The following CALCR variants were observed in gnomAD, a reference collection of about 807,000 sequenced individuals.
CALCR encodes the protein calcitonin receptor.
A neutral mutation model predicts 59.5 loss-of-function variants in CALCR; 47 were observed. That is an observed-to-expected ratio of 0.79 (90% confidence interval 0.63 to 1.01). CALCR has a LOEUF of 1.01. Ranked by LOEUF, CALCR falls within the 50% of genes least tolerant of loss-of-function variation. The pLI is 0.00. For missense variants in CALCR, 566 were observed against 597.1 expected, an observed-to-expected ratio of 0.95 and a Z score of 0.54; for synonymous variants, 213 against 211.3, an observed-to-expected ratio of 1.01 and a Z score of -0.07.
intron 2 of CALCR, among the ~76,000 whole-genome samples, chr7:93,562,326 T>C (rs930462350): frequency 2.0e-5 from 3 of 152,020 alleles, no homozygotes; most frequent in Non-Finnish European, 2.9e-5. Flanking sequence ...GATAATAGTG[T>C]TAAAAGCAAA....
At chr7:93,503,407 AAC>A (rs112593093) in intron 2 of CALCR, among the ~76,000 whole-genome samples, 64 of 150,792 alleles carry the variant, frequency 4.2e-4, no homozygotes, top group Admixed American at 2.4e-3. Flanking sequence ...AATAATTAGA[AAC>A]ACACACACAC....
At chr7:93,511,943 G>A (rs1444127878) in intron 2 of CALCR, among the ~76,000 whole-genome samples, 1 of 152,162 alleles carries the variant, frequency 6.6e-6, no homozygotes, top group African/African-American at 2.4e-5. Context: ...ATAAGTAAAT[G>A]TAGAGAGGTG....
chr7:93,504,154 A>C (rs1037548593), intron 2 of CALCR, among the ~76,000 whole-genome samples: 2 of 152,184 alleles, frequency 1.3e-5, no homozygotes, highest in Non-Finnish European at 2.9e-5. Context: ...TATACAAACA[A>C]AGACAGAAAG....
chr7:93,550,067 C>CT (rs200005996), intron 2 of CALCR, among the ~76,000 whole-genome samples: 16 of 152,068 alleles, frequency 1.1e-4, no homozygotes, highest in East Asian at 3.8e-4. Flanking sequence ...GAGGTGGAAT[C>CT]TTTTTTTATT....
At chr7:93,435,767 C>T (rs143586968) in intron 12 of CALCR, among the ~76,000 whole-genome samples, 185 bp downstream of exon 12, 4,065 of 150,830 alleles carry the variant, frequency 0.027, 166 homozygotes, top group African/African-American at 0.087. Context: ...GATCATGCCA[C>T]TGCACTCCAG....
At chr7:93,479,227 T>C in intron 4 of CALCR, 127 bp downstream of exon 4, 1 of 921,960 alleles carries the variant, frequency 1.1e-6, no homozygotes, top group South Asian at 1.7e-5. Context: ...AAACATACCA[T>C]AGTGTGAAAA....
At chr7:93,550,488 CAAAAAAAAAAAAA>C (rs11287815) in intron 2 of CALCR, among the ~76,000 whole-genome samples, 2 of 26,572 alleles carry the variant, frequency 7.5e-5, no homozygotes, top group Non-Finnish European at 1.3e-4. Context: ...AACTCCGTCT[CAAAAAAAAAAAAA>C]AAAAAAAAAA....
intron 2 of CALCR, among the ~76,000 whole-genome samples, chr7:93,538,623 G>T (rs28610252): frequency 6.6e-6 from 1 of 151,412 alleles, no homozygotes; most frequent in Non-Finnish European, 1.5e-5. Context: ...CCTGTTTTTT[G>T]TTTTTGTTTT....
intron 2 of CALCR, among the ~76,000 whole-genome samples, chr7:93,525,988 A>G (rs1246289521): frequency 1.3e-5 from 2 of 152,184 alleles, no homozygotes; most frequent in Admixed American, 6.5e-5. Context: ...TAATTTTTAT[A>G]AAGTCATGAG....
At chr7:93,483,678 A>C (rs1800857941) in intron 3 of CALCR, among the ~76,000 whole-genome samples, 1 of 151,590 alleles carries the variant, frequency 6.6e-6, no homozygotes, top group Non-Finnish European at 1.5e-5. Flanking sequence ...GACAAAATAA[A>C]ACCAGTAGTG....
chr7:93,484,656 AT>A (rs1800899397), intron 3 of CALCR, among the ~76,000 whole-genome samples: 2 of 151,798 alleles, frequency 1.3e-5, no homozygotes, highest in African/African-American at 4.8e-5. Context: ...GTACTGTGTA[AT>A]TCTACTTACA....
chr7:93,477,726 A>C, intron 4 of CALCR, 58 bp from the exon 5 acceptor site: 1 of 1,066,504 alleles, frequency 9.4e-7, no homozygotes, highest in Admixed American at 1.8e-5. Flanking sequence ...AAATGAGAAG[A>C]TTGATCCCAA....
chr7:93,431,960 G>A (rs914393503), intron 13 of CALCR, among the ~76,000 whole-genome samples: 1 of 152,124 alleles, frequency 6.6e-6, no homozygotes, highest in African/African-American at 2.4e-5. Context: ...TTACTGATAT[G>A]TTTGGATAAT....
chr7:93,470,865 G>A (rs113397407), intron 6 of CALCR, among the ~76,000 whole-genome samples: 3 of 151,218 alleles, frequency 2.0e-5, no homozygotes, highest in Non-Finnish European at 3.0e-5. Flanking sequence ...ATGCTGGTGC[G>A]CTGCACCCAC....
intron 2 of CALCR, among the ~76,000 whole-genome samples, chr7:93,494,394 C>T (rs1445768242): frequency 6.6e-6 from 1 of 151,422 alleles, no homozygotes; most frequent in Non-Finnish European, 1.5e-5. Context: ...AAGCCCCACA[C>T]ATGACATTTA....
At chr7:93,468,662 G>C in intron 7 of CALCR, 53 bp downstream of exon 7, 2 of 1,279,834 alleles carry the variant, frequency 1.6e-6, no homozygotes, top group Non-Finnish European at 2.3e-6. Flanking sequence ...TTCACCATTC[G>C]TTTCAGTAAC....
intron 5 of CALCR, among the ~76,000 whole-genome samples, chr7:93,475,389 G>A (rs1017627384): frequency 1.3e-5 from 2 of 151,718 alleles, no homozygotes; most frequent in Non-Finnish European, 2.9e-5. Flanking sequence ...TTAACAACAT[G>A]TGAAAAAGGA....
intron 3 of CALCR, among the ~76,000 whole-genome samples, chr7:93,485,755 A>G (rs1003619626): frequency 6.6e-6 from 1 of 151,582 alleles, no homozygotes; most frequent in Non-Finnish European, 1.5e-5. Context: ...ATTTCCAAAT[A>G]CTAATTACTT....
intron 2 of CALCR, among the ~76,000 whole-genome samples, chr7:93,560,665 A>T (rs1436668759): frequency 6.6e-6 from 1 of 152,172 alleles, no homozygotes; most frequent in Non-Finnish European, 1.5e-5. Context: ...TGCTGTGACC[A>T]TGTGGACAAA....
Sources: gnomAD v4.1 joint callset for allele counts (sites outside exome capture counted in the v4.1 genomes callset) on GRCh38, gnomAD v4.1.1 for gene constraint, MANE v1.5 for transcripts, NCBI Gene and HGNC (gene_info 2026-07-23, HGNC 2026-07-21) for gene names.